Variants in LRRIQ1 observed in about 807,000 individuals in gnomAD.
The protein encoded by LRRIQ1 is leucine rich repeats and IQ motif containing 1.
In LRRIQ1, 210 loss-of-function variants were observed where a neutral mutation model predicts 211.9. The observed-to-expected ratio is 0.99, with a 90% CI of 0.89 to 1.11. LRRIQ1 has a LOEUF of 1.11. Among genes scored for constraint, LRRIQ1 ranks in the 50% most tolerant of loss-of-function variants. LRRIQ1 has a pLI of 0.00. For synonymous variants in LRRIQ1, 699 were observed against 650.1 expected (o/e 1.08, Z -1.14); for missense variants, 2,136 against 1,939.5 (o/e 1.10, Z -1.90).
intron 16 of LRRIQ1, 106 bp downstream of exon 16, chr12:85,121,982 A>G (rs372161653): frequency 7.5e-4 from 726 of 973,456 alleles, no homozygotes; most frequent in Middle Eastern, 1.3e-3. Flanking sequence ...TTGGATTAGA[A>G]CAGTGTGTTT....
intron 8 of LRRIQ1, among the ~76,000 whole-genome samples, chr12:85,058,375 G>C (rs1258078568): frequency 6.6e-6 from 1 of 151,896 alleles, no homozygotes; most frequent in Non-Finnish European, 1.5e-5. Flanking sequence ...TCATGTTTTA[G>C]CACTTTTCTT....
chr12:85,254,438 A>G (rs1319050256), intron 1 of LRRIQ1, among the ~76,000 whole-genome samples: 1 of 152,140 alleles, frequency 6.6e-6, no homozygotes, highest in Non-Finnish European at 1.5e-5. Context: ...CAAATAAATT[A>G]TTTCTACACT....
intron 1 of LRRIQ1, among the ~76,000 whole-genome samples, chr12:85,256,354 A>C (rs991044500): frequency 5.3e-5 from 8 of 151,490 alleles, no homozygotes; most frequent in African/African-American, 1.9e-4. Context: ...TTCTTTCTTA[A>C]ATTGTTTGAC....
chr12:85,268,707 G>A (rs1477528861), downstream of LRRIQ1, among the ~76,000 whole-genome samples: 3 of 151,640 alleles, frequency 2.0e-5, no homozygotes, highest in East Asian at 3.9e-4. Context: ...AGGAAATATT[G>A]GCTAGTTGTC....
At chr12:85,216,091 A>G (rs763779613) in intron 24 of LRRIQ1, among the ~76,000 whole-genome samples, 16 of 152,150 alleles carry the variant, frequency 1.1e-4, no homozygotes, top group Non-Finnish European at 1.9e-4. Context: ...TTACATAAAT[A>G]TACACATGCC....
intron 24 of LRRIQ1, among the ~76,000 whole-genome samples, chr12:85,226,381 G>A (rs1474475345): frequency 6.6e-6 from 1 of 152,098 alleles, no homozygotes; most frequent in Non-Finnish European, 1.5e-5. Context: ...TCACTGTGCT[G>A]TCCAACATCT....
intron 10 of LRRIQ1, among the ~76,000 whole-genome samples, chr12:85,072,514 T>C (rs12227853): frequency 0.46 from 68,717 of 150,986 alleles, 16,064 homozygotes; most frequent in Middle Eastern, 0.55. Flanking sequence ...GTGAATTTGC[T>C]TGTTATTGAT....
chr12:85,106,551 G>A lies in LRRIQ1; in HGVS notation c.3313G>A (p.Ala1105Thr). The A allele has an allele frequency of 6.2e-7, 1 of 1,611,326 alleles. No homozygotes were observed. Among genetic ancestry groups the A allele is most frequent in the South Asian group, 1.1e-5 (1 of 90,782 alleles). Reference sequence around the variant, plus strand: ...TAAAAGTGCCATAAAATGGTTTGATGCATGCTATTCTCTCCATGAATTGTC... The same window carrying A: ...TAAAAGTGCCATAAAATGGTTTGATACATGCTATTCTCTCCATGAATTGTC... ...DLKSAIKWFDACYSLHELSLT... is the reference protein window; with the variant it reads ...DLKSAIKWFDTCYSLHELSLT... Residue 1105 changes from alanine (A) to threonine (T), a missense_variant, in exon 15 of 27, where the codon GCA (alanine) becomes ACA (threonine). By Grantham distance (58) the Ala-to-Thr change is moderately conservative. Coordinates refer to ENST00000393217, the MANE Select transcript of LRRIQ1 (RefSeq NM_001079910.2).
intron 19 of LRRIQ1, among the ~76,000 whole-genome samples, chr12:85,150,245 T>G (rs942811748): frequency 5.3e-5 from 8 of 151,810 alleles, no homozygotes; most frequent in South Asian, 2.1e-4. Flanking sequence ...CATTTTCTCA[T>G]CAATTTAGCA....
chr12:85,256,324 T>C (rs1012610507), intron 1 of LRRIQ1, among the ~76,000 whole-genome samples: 2 of 151,848 alleles, frequency 1.3e-5, no homozygotes, highest in Admixed American at 1.3e-4. Context: ...TTTTAGTTCT[T>C]ATCCATTTAT....
chr12:85,229,483 A>G (rs1475683308), intron 24 of LRRIQ1, 34 bp from the exon 25 acceptor site: 4 of 1,549,790 alleles, frequency 2.6e-6, no homozygotes, highest in South Asian at 1.3e-5. Context: ...GGTCTCTTTA[A>G]ATAATAAGTA....
intron 19 of LRRIQ1, among the ~76,000 whole-genome samples, chr12:85,138,324 A>C (rs1469538739): frequency 6.6e-6 from 1 of 151,564 alleles, no homozygotes; most frequent in Non-Finnish European, 1.5e-5. Flanking sequence ...CAGAATCATA[A>C]GTTGCATTTA....
downstream of LRRIQ1, among the ~76,000 whole-genome samples, chr12:85,264,691 A>G (rs549707682): frequency 3.3e-5 from 5 of 152,160 alleles, no homozygotes; most frequent in African/African-American, 1.2e-4. Flanking sequence ...ATTTTAACTA[A>G]TATTTGTTTT....
intron 24 of LRRIQ1, among the ~76,000 whole-genome samples, chr12:85,181,372 G>C (rs1891973360): frequency 6.6e-6 from 1 of 151,704 alleles, no homozygotes; most frequent in Non-Finnish European, 1.5e-5. Context: ...ATTCTTGTGA[G>C]TCTAGGATCT....
chr12:85,043,449 T>C (rs1433261458), intron 3 of LRRIQ1, among the ~76,000 whole-genome samples: 1 of 152,138 alleles, frequency 6.6e-6, no homozygotes, highest in African/African-American at 2.4e-5. Flanking sequence ...ATGTAGATTC[T>C]GAGAAGTGTT....
At chr12:85,065,116 A>T (rs1000916126) in intron 8 of LRRIQ1, 146 bp from the exon 9 acceptor site, 11 of 592,166 alleles carry the variant, frequency 1.9e-5, no homozygotes, top group Middle Eastern at 5.0e-4. Flanking sequence ...ATAGCTTAAC[A>T]AATTGAGTTG....
Position 85,088,619 on chromosome 12 carries a change from C to T in LRRIQ1, c.2888-9736C>T, listed in dbSNP as rs184940541. The stretch of plus-strand genomic sequence containing the variant: ...CATTTGTTTGTGTCCTCTTTTATTT[C>T]GTTGAGTAGTGGTTTGTAGTTCGCC... On this transcript the variant is annotated intron_variant, in intron 11 of 26. Transcript: ENST00000393217. Among the ~76,000 whole-genome samples the T allele has an allele frequency of 1.3e-3, 194 of 152,240 alleles. 1 individual carries two copies. Among genetic ancestry groups the T allele is most frequent in the African/African-American group, 4.5e-3 (188 of 41,544 alleles).
Position 85,038,193 on chromosome 12 carries a change from C to T in LRRIQ1, c.17C>T (p.Ala6Val). 1.3e-6 allele frequency: 2 copies of T among 1,564,890 alleles called. No homozygotes were observed. Among genetic ancestry groups the T allele is most frequent in the Non-Finnish European group, 1.7e-6 (2 of 1,153,346 alleles). ...TGAAGAATAATGGACGATGATGATG[C>T]AAAGCTCAAAGCAGAAATAGAAGCT... is the stretch of plus-strand genomic sequence containing the variant. MDDDD[A>V]KLKAEIEAEL... Residue 6 changes from alanine to valine, a missense_variant, in exon 2 of 27, where the codon GCA becomes GTA. By Grantham distance (64) the Ala-to-Val change is moderately conservative (BLOSUM62 0). Coordinates refer to ENST00000393217, the MANE Select transcript of LRRIQ1 (RefSeq NM_001079910.2).
At chr12:85,227,376 T>TA (rs1894714242) in intron 24 of LRRIQ1, among the ~76,000 whole-genome samples, 1 of 152,150 alleles carries the variant, frequency 6.6e-6, no homozygotes, top group African/African-American at 2.4e-5. Flanking sequence ...CTGCACCCAT[T>TA]AACTCGTCAT....
Sources: allele counts gnomAD v4.1 joint callset (sites outside exome capture counted in the v4.1 genomes callset), GRCh38; gene constraint gnomAD v4.1.1; transcripts MANE v1.5; gene names NCBI Gene and HGNC (gene_info 2026-07-23, HGNC 2026-07-21).